The following RBFOX1 variants were observed in gnomAD, a reference collection of about 807,000 sequenced individuals.
RBFOX1 encodes RNA binding fox-1 homolog 1, also known as RNA binding protein fox-1 homolog 1.
Under a neutral mutation model 57.7 loss-of-function variants are expected in RBFOX1, and 8 were observed. That is an observed-to-expected ratio of 0.14 (90% CI 0.08 to 0.25). The LOEUF (loss-of-function observed/expected upper bound fraction) is 0.25, where lower values mean the gene tolerates loss of function less well. Among genes scored for constraint, RBFOX1 ranks in the 10% least tolerant of loss-of-function variants. The pLI is 1.00. For synonymous variants in RBFOX1, 326 were observed against 222.4 expected (o/e 1.47, Z -4.15); for missense variants, 611 against 548.5 (o/e 1.11, Z -1.14).
chr16:6,790,949 A>C (rs1363060679), intron 3 of RBFOX1, among the ~76,000 whole-genome samples: 3 of 151,632 alleles, frequency 2.0e-5, no homozygotes, highest in African/African-American at 7.3e-5. Flanking sequence ...TGTGTCACCC[A>C]GGTTGGAGTG....
chr16:6,722,241 C>T (rs942550074), intron 3 of RBFOX1, among the ~76,000 whole-genome samples: 3 of 152,214 alleles, frequency 2.0e-5, no homozygotes, highest in Non-Finnish European at 4.4e-5. Flanking sequence ...TTCCAAGAGG[C>T]TAAACCGTTT....
chr16:6,249,322 C>A (rs1447532604), intron 1 of RBFOX1, among the ~76,000 whole-genome samples: 1 of 152,084 alleles, frequency 6.6e-6, no homozygotes, highest in Non-Finnish European at 1.5e-5. Flanking sequence ...GTCAGGAGTT[C>A]AAGACCAGGC....
chr16:6,870,196 C>T (rs981477216), intron 3 of RBFOX1, among the ~76,000 whole-genome samples: 3 of 152,182 alleles, frequency 2.0e-5, no homozygotes, highest in African/African-American at 7.2e-5. Flanking sequence ...AACCTTATTT[C>T]ATCTAGAATT....
chr16:7,555,358 C>T (rs991621657), intron 5 of RBFOX1, among the ~76,000 whole-genome samples: 24 of 152,158 alleles, frequency 1.6e-4, no homozygotes, highest in African/African-American at 5.5e-4. Flanking sequence ...GTGGAAATTT[C>T]AGTAAAATCC....
chr16:6,987,215 G>A (rs1391643139), intron 3 of RBFOX1, among the ~76,000 whole-genome samples: 1 of 152,042 alleles, frequency 6.6e-6, no homozygotes, highest in Non-Finnish European at 1.5e-5. Flanking sequence ...ATAATAACAA[G>A]AATGAAAACT....
At chr16:6,801,675 C>G (rs781732092) in intron 3 of RBFOX1, among the ~76,000 whole-genome samples, 3 of 152,002 alleles carry the variant, frequency 2.0e-5, no homozygotes, top group Non-Finnish European at 4.4e-5. Context: ...GAGGGTCACA[C>G]TGCTATTTCT....
chr16:7,541,511 A>C (rs555311085), intron 5 of RBFOX1, among the ~76,000 whole-genome samples: 1 of 151,960 alleles, frequency 6.6e-6, no homozygotes, highest in East Asian at 1.9e-4. Flanking sequence ...TTCAGTGTTC[A>C]CTGTCATTTA....
At chr16:6,560,971 G>C (rs561878069) in intron 2 of RBFOX1, among the ~76,000 whole-genome samples, 2 of 152,298 alleles carry the variant, frequency 1.3e-5, no homozygotes, top group Non-Finnish European at 2.9e-5. Flanking sequence ...GATAGTCAAT[G>C]TGCAAATTTC....
At chr16:5,637,308 C>T (rs1244006234) in intron 3 of RBFOX1, among the ~76,000 whole-genome samples, 1 of 152,150 alleles carries the variant, frequency 6.6e-6, no homozygotes, top group Non-Finnish European at 1.5e-5. Context: ...AACCCTGCCC[C>T]CTACCCCAGT....
intron 1 of RBFOX1, among the ~76,000 whole-genome samples, chr16:6,266,782 G>A (rs2074560188): frequency 6.6e-6 from 1 of 151,756 alleles, no homozygotes. Context: ...ACCTTAGAAT[G>A]TTAGAATCCT....
intron 3 of RBFOX1, among the ~76,000 whole-genome samples, chr16:7,008,070 C>A (rs2093405488): frequency 6.6e-6 from 1 of 152,062 alleles, no homozygotes; most frequent in African/African-American, 2.4e-5. Flanking sequence ...AACTTGGATC[C>A]AGTTTTCAGC....
chr16:7,588,665 C>T (rs2094264888), intron 7 of RBFOX1, among the ~76,000 whole-genome samples: 1 of 152,210 alleles, frequency 6.6e-6, no homozygotes, highest in Admixed American at 6.5e-5. Context: ...AAGTCGGTAT[C>T]ACGGAGGGTC....
At chr16:5,693,545 A>G (rs568624624) in intron 3 of RBFOX1, among the ~76,000 whole-genome samples, 1 of 152,220 alleles carries the variant, frequency 6.6e-6, no homozygotes, top group South Asian at 2.1e-4. Context: ...TGTTGGGGGA[A>G]GGAGAAAATT....
intron 4 of RBFOX1, among the ~76,000 whole-genome samples, chr16:7,068,046 T>G (rs894411637): frequency 6.6e-5 from 10 of 151,422 alleles, no homozygotes; most frequent in Non-Finnish European, 1.2e-4. Flanking sequence ...GACTCTCTCG[T>G]GCCTCTTCTT....
At chr16:5,995,185 A>T (rs2060470098) in intron 4 of RBFOX1, among the ~76,000 whole-genome samples, 1 of 152,186 alleles carries the variant, frequency 6.6e-6, no homozygotes, top group Non-Finnish European at 1.5e-5. Context: ...ATTCCTTACC[A>T]TTATTTTTAT....
At chr16:5,680,675 G>A (rs2050305156) in intron 3 of RBFOX1, among the ~76,000 whole-genome samples, 1 of 152,186 alleles carries the variant, frequency 6.6e-6, no homozygotes. Context: ...GTAGTCTGAG[G>A]TCTTAACCTT....
chr16:7,665,972 A>G (rs1364321970), intron 13 of RBFOX1, among the ~76,000 whole-genome samples: 1 of 152,212 alleles, frequency 6.6e-6, no homozygotes, highest in Non-Finnish European at 1.5e-5. Flanking sequence ...CTATTGCATC[A>G]AGTATACTTA....
At chr16:6,995,560 C>T (rs906415697) in intron 3 of RBFOX1, among the ~76,000 whole-genome samples, 2 of 151,972 alleles carry the variant, frequency 1.3e-5, no homozygotes, top group African/African-American at 4.8e-5. Context: ...AGGTCAGGAT[C>T]ACCAGCATGG....
intron 3 of RBFOX1, among the ~76,000 whole-genome samples, chr16:7,014,359 T>C (rs1286080303): frequency 6.6e-6 from 1 of 152,124 alleles, no homozygotes; most frequent in African/African-American, 2.4e-5. Context: ...ATTACAGTCA[T>C]GCATCACCAC....
Sources: gnomAD v4.1 joint callset for allele counts (sites outside exome capture counted in the v4.1 genomes callset) on GRCh38, gnomAD v4.1.1 for gene constraint, MANE v1.5 for transcripts, NCBI Gene and HGNC (gene_info 2026-07-23, HGNC 2026-07-21) for gene names.